MGAT5: variants seen among roughly 807,000 people sequenced by gnomAD.
MGAT5 encodes the protein alpha-1,6-mannosylglycoprotein 6-beta-N-acetylglucosaminyltransferase.
Under a neutral mutation model 94.3 loss-of-function variants are expected in MGAT5, and 30 were observed. The ratio of observed to expected loss-of-function variants is 0.32; its 90% confidence interval spans 0.24 to 0.43. The LOEUF (loss-of-function observed/expected upper bound fraction) is 0.43. Among genes scored for constraint, MGAT5 ranks in the 20% least tolerant of loss-of-function variants. The probability of loss-of-function intolerance (pLI) is 1.00; values close to 1 mark genes in which losing one functional copy is unlikely to be tolerated. For synonymous variants in MGAT5, 310 were observed against 322.9 expected (o/e 0.96, Z 0.43); for missense variants, 691 against 905.5 (o/e 0.76, Z 3.04).
chr2:134,187,119 G>A (rs983462976), intron 1 of MGAT5, among the ~76,000 whole-genome samples: 3 of 152,188 alleles, frequency 2.0e-5, no homozygotes, highest in Non-Finnish European at 4.4e-5. Context: ...GCCAGGGGCC[G>A]AGTGTGGAGG....
intron 9 of MGAT5, among the ~76,000 whole-genome samples, chr2:134,358,558 C>T (rs1679894548): frequency 1.3e-5 from 2 of 152,176 alleles, no homozygotes; most frequent in African/African-American, 2.4e-5. Flanking sequence ...CCTGGGACTA[C>T]ACCGACTGTG....
At chr2:134,270,064 G>A (rs1039334647) in intron 1 of MGAT5, among the ~76,000 whole-genome samples, 15 of 152,228 alleles carry the variant, frequency 9.9e-5, no homozygotes, top group African/African-American at 3.4e-4. Context: ...AGAAACTATG[G>A]TGCTGTAAGG....
intron 1 of MGAT5, among the ~76,000 whole-genome samples, chr2:134,222,689 CAT>C (rs905452844): frequency 6.6e-6 from 1 of 152,228 alleles, no homozygotes; most frequent in African/African-American, 2.4e-5. Context: ...CAGGAGAAGT[CAT>C]ATAATTCTGC....
chr2:134,136,779 T>A (rs184046345), intron 1 of MGAT5, among the ~76,000 whole-genome samples: 1 of 152,268 alleles, frequency 6.6e-6, no homozygotes, highest in East Asian at 1.9e-4. Context: ...ACTGCTCCCC[T>A]TTCCCTCCTC....
intron 9 of MGAT5, among the ~76,000 whole-genome samples, chr2:134,350,390 A>G (rs1470685449): frequency 6.6e-6 from 1 of 152,194 alleles, no homozygotes; most frequent in African/African-American, 2.4e-5. Flanking sequence ...ATAGCTTTTA[A>G]AAATGGAGCT....
intron 1 of MGAT5, among the ~76,000 whole-genome samples, chr2:134,233,693 C>A (rs781199007): frequency 1.2e-4 from 19 of 152,328 alleles, no homozygotes; most frequent in Non-Finnish European, 2.4e-4. Context: ...TCCAGTAACT[C>A]TCATCAAGGA....
intron 1 of MGAT5, 108 bp from the exon 2 acceptor site, chr2:134,270,277 CA>C: frequency 2.8e-6 from 3 of 1,068,568 alleles, no homozygotes; most frequent in Non-Finnish European, 4.0e-6. Flanking sequence ...TCTTTTGTAT[CA>C]CTTCAGAAAC....
intron 5 of MGAT5, among the ~76,000 whole-genome samples, chr2:134,336,625 A>G (rs1168054442): frequency 6.6e-6 from 1 of 152,144 alleles, no homozygotes; most frequent in African/African-American, 2.4e-5. Context: ...GTGGGAATTA[A>G]TGAGGAAGAG....
intron 2 of MGAT5, among the ~76,000 whole-genome samples, chr2:134,283,427 G>A (rs182730817): frequency 3.6e-4 from 55 of 152,220 alleles, no homozygotes; most frequent in African/African-American, 1.3e-3. Context: ...AAGGAGCCTC[G>A]AAAATTATGT....
intron 2 of MGAT5, among the ~76,000 whole-genome samples, chr2:134,294,216 C>T (rs951716457): frequency 6.6e-6 from 1 of 152,110 alleles, no homozygotes; most frequent in Non-Finnish European, 1.5e-5. Flanking sequence ...TTGTTCTCTG[C>T]GGTTTAGCCC....
chr2:134,206,300 A>G (rs559916231), intron 1 of MGAT5, among the ~76,000 whole-genome samples: 12 of 152,322 alleles, frequency 7.9e-5, no homozygotes, highest in African/African-American at 2.9e-4. Flanking sequence ...CCTGTCAAGT[A>G]TGCTAATGGG....
intron 5 of MGAT5, 94 bp from the exon 6 acceptor site, chr2:134,338,165 T>G: frequency 1.9e-6 from 2 of 1,049,824 alleles, no homozygotes. Flanking sequence ...TTTAATTGAC[T>G]AACCCTTTTA....
At chr2:134,237,855 A>G (rs919617299) in intron 1 of MGAT5, among the ~76,000 whole-genome samples, 5 of 151,372 alleles carry the variant, frequency 3.3e-5, no homozygotes, top group Non-Finnish European at 7.4e-5. Context: ...GGTTCAAGCA[A>G]TTCTCCTGCC....
At chr2:134,404,234 A>G (rs1683217485) in intron 11 of MGAT5, among the ~76,000 whole-genome samples, 3 of 152,160 alleles carry the variant, frequency 2.0e-5, no homozygotes, top group African/African-American at 7.2e-5. Context: ...TGGATTTCTC[A>G]GCTCTCATCT....
At chr2:134,225,883 G>A (rs540761315) in intron 1 of MGAT5, among the ~76,000 whole-genome samples, 1 of 152,330 alleles carries the variant, frequency 6.6e-6, no homozygotes, top group African/African-American at 2.4e-5. Flanking sequence ...TAGGATAGAT[G>A]GACAACTTTA....
chr2:134,179,021 T>C (rs1006800395), intron 1 of MGAT5, among the ~76,000 whole-genome samples: 13 of 152,204 alleles, frequency 8.5e-5, no homozygotes, highest in Non-Finnish European at 1.3e-4. Context: ...CTCTGCACTT[T>C]CCTGGTCATT....
chr2:134,366,369 T>C (rs1680430340), intron 10 of MGAT5, among the ~76,000 whole-genome samples: 1 of 152,228 alleles, frequency 6.6e-6, no homozygotes, highest in Admixed American at 6.5e-5. Flanking sequence ...ATACTGAGCA[T>C]AACTGAATCT....
At chr2:134,386,084 G>A (rs1681954074) in intron 10 of MGAT5, among the ~76,000 whole-genome samples, 1 of 152,118 alleles carries the variant, frequency 6.6e-6, no homozygotes, top group African/African-American at 2.4e-5. Flanking sequence ...TTCTCAAAAA[G>A]GTGTCAGGGT....
chr2:134,208,325 G>T (rs4954118), intron 1 of MGAT5, among the ~76,000 whole-genome samples: 67,678 of 152,082 alleles, frequency 0.45, 18,430 homozygotes, highest in African/African-American at 0.75. Flanking sequence ...TTTGATGTGC[G>T]TATGCATGTT....
Sources: gnomAD v4.1 joint callset for allele counts (sites outside exome capture counted in the v4.1 genomes callset) on GRCh38, gnomAD v4.1.1 for gene constraint, MANE v1.5 for transcripts, NCBI Gene and HGNC (gene_info 2026-07-23, HGNC 2026-07-21) for gene names.